The following HPSE2 variants were observed in gnomAD, a reference collection of about 807,000 sequenced individuals.
The protein encoded by HPSE2 is inactive heparanase-2.
In HPSE2, 38 loss-of-function variants were observed where a neutral mutation model predicts 60.5. That is an observed-to-expected ratio of 0.63 (90% CI 0.48 to 0.82). HPSE2 has a LOEUF of 0.82. Among genes scored for constraint, HPSE2 ranks in the 40% least tolerant of loss-of-function variants. The probability of loss-of-function intolerance (pLI) is 0.00; values close to 1 mark genes in which losing one functional copy is unlikely to be tolerated. For synonymous variants in HPSE2, 295 were observed against 293.2 expected (o/e 1.01, Z -0.06); for missense variants, 713 against 740.4 (o/e 0.96, Z 0.43).
chr10:98,978,739 G>A (rs1956142266), intron 3 of HPSE2, among the ~76,000 whole-genome samples: 1 of 152,134 alleles, frequency 6.6e-6, no homozygotes. Flanking sequence ...CCTGAAAATT[G>A]CAATGCATAC....
chr10:98,674,874 A>G (rs1269410216), intron 6 of HPSE2, among the ~76,000 whole-genome samples: 2 of 152,156 alleles, frequency 1.3e-5, no homozygotes, highest in African/African-American at 4.8e-5. Flanking sequence ...GTGAGCTGAG[A>G]TCACACCAGT....
At chr10:99,082,630 G>A (rs11189961) in intron 3 of HPSE2, among the ~76,000 whole-genome samples, 10 of 152,292 alleles carry the variant, frequency 6.6e-5, no homozygotes, top group Non-Finnish European at 1.0e-4. Context: ...TCACTAGAAC[G>A]TTGGCTCCAG....
chr10:99,195,156 A>G (rs1473049782), intron 2 of HPSE2, among the ~76,000 whole-genome samples: 2 of 152,180 alleles, frequency 1.3e-5, no homozygotes, highest in Admixed American at 1.3e-4. Context: ...ATGCTAAAAA[A>G]GCATTTGATA....
chr10:98,921,844 T>C (rs1054794025), intron 3 of HPSE2, among the ~76,000 whole-genome samples: 47 of 152,140 alleles, frequency 3.1e-4, no homozygotes, highest in Non-Finnish European at 1.6e-4. Context: ...ACCTACACTC[T>C]TGTTTCTCTT....
intron 9 of HPSE2, among the ~76,000 whole-genome samples, chr10:98,611,832 G>A (rs190571338): frequency 6.6e-6 from 1 of 152,206 alleles, no homozygotes; most frequent in Non-Finnish European, 1.5e-5. Context: ...CTTTATTACA[G>A]CTTGGTGTTT....
chr10:98,739,840 A>AT, intron 4 of HPSE2, among the ~76,000 whole-genome samples: 1 of 152,194 alleles, frequency 6.6e-6, no homozygotes. Context: ...TGTTCATTCA[A>AT]TTAGAGGTAT....
chr10:98,782,738 T>C (rs1322788698), intron 3 of HPSE2, among the ~76,000 whole-genome samples: 24 of 105,194 alleles, frequency 2.3e-4, no homozygotes, highest in Admixed American at 1.7e-3. Context: ...TTTAGTCAGC[T>C]AGGGCCACTG....
intron 10 of HPSE2, among the ~76,000 whole-genome samples, chr10:98,487,486 C>T (rs1941484609): frequency 6.6e-6 from 1 of 152,154 alleles, no homozygotes; most frequent in Non-Finnish European, 1.5e-5. Context: ...CCAAATGTAA[C>T]ATTCTTTGCA....
chr10:99,140,250 T>C (rs1442993544), intron 3 of HPSE2, among the ~76,000 whole-genome samples: 1 of 152,190 alleles, frequency 6.6e-6, no homozygotes, highest in Non-Finnish European at 1.5e-5. Context: ...AGCCAACCAT[T>C]GGAATCTCAG....
intron 3 of HPSE2, among the ~76,000 whole-genome samples, chr10:98,774,911 T>C (rs1950308825): frequency 6.6e-6 from 1 of 152,138 alleles, no homozygotes; most frequent in South Asian, 2.1e-4. Flanking sequence ...TGATTCTAAG[T>C]ATGTTGGAAA....
intron 3 of HPSE2, among the ~76,000 whole-genome samples, chr10:98,906,660 T>C (rs545398802): frequency 3.4e-4 from 51 of 152,094 alleles, no homozygotes; most frequent in Middle Eastern, 3.4e-3. Flanking sequence ...AATCCCAGCA[T>C]TTTGGGAGGC....
chr10:99,166,823 G>T (rs1296462848), intron 2 of HPSE2, among the ~76,000 whole-genome samples: 1 of 149,442 alleles, frequency 6.7e-6, no homozygotes, highest in African/African-American at 2.5e-5. Context: ...ACTCCAGCCT[G>T]GTGACAGAGT....
intron 3 of HPSE2, among the ~76,000 whole-genome samples, chr10:99,075,920 T>G (rs1406082989): frequency 6.6e-6 from 1 of 152,178 alleles, no homozygotes; most frequent in Non-Finnish European, 1.5e-5. Context: ...CAATTTAAAA[T>G]GAGTTTCTTA....
chr10:98,954,634 C>A (rs758301180), intron 3 of HPSE2, among the ~76,000 whole-genome samples: 1 of 152,108 alleles, frequency 6.6e-6, no homozygotes, highest in Admixed American at 6.5e-5. Context: ...GCAAGTTGAA[C>A]ACCTTTCGGC....
At chr10:99,107,021 C>T (rs1589667236) in intron 3 of HPSE2, among the ~76,000 whole-genome samples, 1 of 152,194 alleles carries the variant, frequency 6.6e-6, no homozygotes, top group South Asian at 2.1e-4. Flanking sequence ...CAGGTGTGCA[C>T]CACCATGCCT....
At chr10:98,710,498 T>C (rs1948650216) in intron 5 of HPSE2, among the ~76,000 whole-genome samples, 1 of 152,162 alleles carries the variant, frequency 6.6e-6, no homozygotes, top group Non-Finnish European at 1.5e-5. Flanking sequence ...TTAAGATGGG[T>C]GAGACTCTTT....
intron 9 of HPSE2, among the ~76,000 whole-genome samples, chr10:98,582,082 C>A (rs114208808): frequency 1.7e-3 from 252 of 152,248 alleles, no homozygotes; most frequent in African/African-American, 5.8e-3. Context: ...CATCCTCCTG[C>A]ACTTAAACAG....
chr10:98,721,862 G>A, intron 4 of HPSE2, 34 bp from the exon 5 acceptor site: 1 of 1,583,864 alleles, frequency 6.3e-7, no homozygotes, highest in Non-Finnish European at 8.7e-7. Context: ...GTCAGAATGA[G>A]AAGTGTAAGG....
At chr10:99,270,488 T>G in the HPSE2 span, among the ~76,000 whole-genome samples, 1 of 152,030 alleles carries the variant, frequency 6.6e-6, no homozygotes, top group Non-Finnish European at 1.5e-5. Context: ...GAGATTGAAA[T>G]GGTAATTTAA....
Sources: allele counts gnomAD v4.1 joint callset (sites outside exome capture counted in the v4.1 genomes callset), GRCh38; gene constraint gnomAD v4.1.1; transcripts MANE v1.5; gene names NCBI Gene and HGNC (gene_info 2026-07-23, HGNC 2026-07-21).